RIMS1: variants seen among roughly 807,000 people sequenced by gnomAD.
The protein encoded by RIMS1 is regulating synaptic membrane exocytosis protein 1.
A neutral mutation model predicts 214.1 loss-of-function variants in RIMS1; 83 were observed. That is an observed-to-expected ratio of 0.39 (90% CI 0.32 to 0.47). The LOEUF is 0.47. Ranked by LOEUF, RIMS1 falls within the 20% of genes least tolerant of loss-of-function variation. The pLI, the probability that RIMS1 is intolerant of heterozygous loss-of-function variation, is 0.99. For synonymous variants in RIMS1, 793 were observed against 786.8 expected (o/e 1.01, Z -0.13); for missense variants, 2,050 against 2,161.8 (o/e 0.95, Z 1.03).
At chr6:72,382,957 A>G (rs2746214) in intron 29 of RIMS1, among the ~76,000 whole-genome samples, 4,891 of 152,284 alleles carry the variant, frequency 0.032, 176 homozygotes, top group African/African-American at 0.096. Flanking sequence ...TGTTTTGTTT[A>G]AATCCAGATA....
chr6:72,306,747 A>T (rs2095208687), intron 26 of RIMS1, among the ~76,000 whole-genome samples: 1 of 152,202 alleles, frequency 6.6e-6, no homozygotes, highest in South Asian at 2.1e-4. Context: ...GACAGAAATT[A>T]AAGATTTATA....
At chr6:72,106,043 A>T (rs1232705796) in intron 4 of RIMS1, among the ~76,000 whole-genome samples, 1 of 152,218 alleles carries the variant, frequency 6.6e-6, no homozygotes, top group Non-Finnish European at 1.5e-5. Context: ...AGATATGTAG[A>T]TCTTAAAAAG....
intron 31 of RIMS1, among the ~76,000 whole-genome samples, chr6:72,393,231 T>G (rs1284229735): frequency 2.0e-5 from 3 of 150,984 alleles, no homozygotes; most frequent in Non-Finnish European, 4.4e-5. Context: ...AAAGGGAAGG[T>G]GGAGAAAAAC....
intron 29 of RIMS1, among the ~76,000 whole-genome samples, chr6:72,342,758 T>G (rs112012001): frequency 6.6e-6 from 1 of 151,730 alleles, no homozygotes; most frequent in East Asian, 1.9e-4. Flanking sequence ...ACGAATAATT[T>G]TAATTGTGCA....
chr6:72,384,007 T>C (rs984040505), intron 29 of RIMS1, among the ~76,000 whole-genome samples: 2 of 152,338 alleles, frequency 1.3e-5, no homozygotes, highest in Non-Finnish European at 1.5e-5. Flanking sequence ...TACTCTTTTA[T>C]TGATTTTTCC....
At chr6:72,341,775 A>T (rs971600027) in intron 29 of RIMS1, among the ~76,000 whole-genome samples, 2 of 151,854 alleles carry the variant, frequency 1.3e-5, no homozygotes, top group African/African-American at 2.4e-5. Flanking sequence ...TCAAGGATCT[A>T]AGTCCCTAGG....
intron 27 of RIMS1, among the ~76,000 whole-genome samples, chr6:72,312,417 T>C (rs1227373339): frequency 1.3e-5 from 2 of 151,898 alleles, no homozygotes; most frequent in Admixed American, 6.6e-5. Context: ...ATTACAATTA[T>C]AACATATATA....
chr6:71,932,919 A>G (rs1783481193), intron 1 of RIMS1, among the ~76,000 whole-genome samples: 1 of 152,188 alleles, frequency 6.6e-6, no homozygotes, highest in South Asian at 2.1e-4. Flanking sequence ...TGGGCTCCTA[A>G]TATTCCTTTT....
intron 2 of RIMS1, among the ~76,000 whole-genome samples, chr6:71,979,293 A>C (rs1048221928): frequency 6.6e-6 from 1 of 152,006 alleles, no homozygotes; most frequent in Non-Finnish European, 1.5e-5. Context: ...TGGCAGCTTT[A>C]CATTAAGCCA....
chr6:72,308,435 G>A (rs2095341559), intron 27 of RIMS1, among the ~76,000 whole-genome samples: 1 of 151,862 alleles, frequency 6.6e-6, no homozygotes, highest in South Asian at 2.1e-4. Flanking sequence ...CTCTTTGGGA[G>A]GTAATAAGCT....
chr6:72,171,888 TATAA>T (rs1055603168), intron 4 of RIMS1, among the ~76,000 whole-genome samples: 1 of 152,294 alleles, frequency 6.6e-6, no homozygotes, highest in East Asian at 1.9e-4. Context: ...TGTTCAACCA[TATAA>T]ATAGTCAATG....
At chr6:72,008,879 A>G (rs1809026770) in intron 2 of RIMS1, among the ~76,000 whole-genome samples, 1 of 152,160 alleles carries the variant, frequency 6.6e-6, no homozygotes, top group Non-Finnish European at 1.5e-5. Context: ...ATAATGGGAG[A>G]CTTTAACACC....
At chr6:71,987,310 G>A (rs1447497285) in intron 2 of RIMS1, among the ~76,000 whole-genome samples, 1 of 152,200 alleles carries the variant, frequency 6.6e-6, no homozygotes, top group Non-Finnish European at 1.5e-5. Flanking sequence ...GAAAGTCTGA[G>A]ATCAGCGTGC....
chr6:72,303,033 A>G (rs1435049694), intron 26 of RIMS1, among the ~76,000 whole-genome samples: 1 of 150,856 alleles, frequency 6.6e-6, no homozygotes, highest in Non-Finnish European at 1.5e-5. Context: ...GATCCAAACA[A>G]ATTTATTTTT....
At chr6:71,992,613 T>TCTC (rs762632400) in intron 2 of RIMS1, among the ~76,000 whole-genome samples, 37 of 72,262 alleles carry the variant, frequency 5.1e-4, no homozygotes, top group Admixed American at 2.8e-3. Flanking sequence ...TCCTTCTCCT[T>TCTC]CTTCTTCTTC....
chr6:72,282,003 C>A (rs2154215624), intron 23 of RIMS1, among the ~76,000 whole-genome samples: 1 of 151,668 alleles, frequency 6.6e-6, no homozygotes, highest in South Asian at 2.1e-4. Flanking sequence ...TAGAACAGTG[C>A]CTAGTATATA....
intron 2 of RIMS1, among the ~76,000 whole-genome samples, chr6:72,053,798 T>C (rs1272604001): frequency 6.6e-6 from 1 of 152,162 alleles, no homozygotes; most frequent in Non-Finnish European, 1.5e-5. Context: ...TTAATATATA[T>C]GACATGAATA....
rs1231278432 is a variant in RIMS1, at chr6:71,887,204, C to G, written c.164+17C>G. The G allele has an allele frequency of 1.3e-6, 2 of 1,596,222 alleles. No homozygotes were observed. The highest frequency in any genetic ancestry group is 3.5e-5 in the Admixed American group (2 of 57,382). ...CATGCTCAAGTAAGCCAGCCCCAGC[C>G]GCGCCATCCATGCCTCCGTGCCTCC... On this transcript the variant is annotated intron_variant, in intron 1 of 33. Coordinates refer to ENST00000521978, the MANE Select transcript of RIMS1 (RefSeq NM_014989.7).
chr6:72,286,197 C>CA lies in RIMS1; in HGVS notation c.3554+2094dup, dbSNP rs149079911. ...GGGCAAGAAGAGCAAAACTCCATCT[C>CA]AAAAAAAAAAAAAAATTGCTAGTTG... On this transcript the variant is annotated intron_variant, in intron 24 of 33. Coordinates refer to ENST00000521978, the MANE Select transcript of RIMS1 (RefSeq NM_014989.7). Among the ~76,000 whole-genome samples the CA allele has an allele frequency of 5.9e-3, 656 of 110,342 alleles. 3 individuals are homozygous for CA. The highest frequency in any genetic ancestry group is 0.011 in the Middle Eastern group (2 of 190). 72.4% of individuals were successfully genotyped at this position (110,342 alleles called of 152,430 possible).
Sources: gnomAD v4.1 joint callset for allele counts (sites outside exome capture counted in the v4.1 genomes callset) on GRCh38, gnomAD v4.1.1 for gene constraint, MANE v1.5 for transcripts, NCBI Gene and HGNC (gene_info 2026-07-23, HGNC 2026-07-21) for gene names.